OPCML: variants seen among roughly 807,000 people sequenced by gnomAD.
The protein encoded by OPCML is opioid binding protein/cell adhesion molecule like.
A neutral mutation model predicts 37.8 loss-of-function variants in OPCML; 13 were observed. That is an observed-to-expected ratio of 0.34 (90% confidence interval 0.22 to 0.55). The LOEUF is 0.55. Ranked by LOEUF, OPCML falls within the 20% of genes least tolerant of loss-of-function variation. The pLI, the probability that OPCML is intolerant of heterozygous loss-of-function variation, is 0.91. For synonymous variants in OPCML, 176 were observed against 168.8 expected, an observed-to-expected ratio of 1.04 and a Z score of -0.33; for missense variants, 341 against 435.6, an observed-to-expected ratio of 0.78 and a Z score of 1.93.
intron 3 of OPCML, among the ~76,000 whole-genome samples, chr11:132,648,761 T>C (rs1436703189): frequency 6.6e-6 from 1 of 152,126 alleles, no homozygotes; most frequent in African/African-American, 2.4e-5. Context: ...TCTGCCTTTT[T>C]CCCAGCCAGG....
intron 3 of OPCML, among the ~76,000 whole-genome samples, chr11:132,619,851 C>CAA (rs34927802): frequency 0.017 from 1,948 of 112,532 alleles, 32 homozygotes; most frequent in South Asian, 0.043. Context: ...GACTCCATGT[C>CAA]AAAAAAAAAA....
chr11:132,479,289 T>A (rs928005064), intron 4 of OPCML, among the ~76,000 whole-genome samples: 14 of 152,128 alleles, frequency 9.2e-5, no homozygotes, highest in Non-Finnish European at 1.5e-5. Flanking sequence ...ATCGGGTCAC[T>A]CCCACCCAAA....
intron 1 of OPCML, among the ~76,000 whole-genome samples, chr11:133,055,615 T>C (rs1948221038): frequency 1.3e-5 from 2 of 150,176 alleles, no homozygotes; most frequent in African/African-American, 5.0e-5. Flanking sequence ...CAATGCTGCC[T>C]CCATGATACT....
At chr11:133,040,629 A>G (rs1326542132) in intron 1 of OPCML, among the ~76,000 whole-genome samples, 1 of 152,172 alleles carries the variant, frequency 6.6e-6, no homozygotes, top group Non-Finnish European at 1.5e-5. Context: ...CTTGTGTAGA[A>G]GTGGCAGGAC....
chr11:132,693,962 G>T (rs1001381971), intron 2 of OPCML, among the ~76,000 whole-genome samples: 1 of 151,960 alleles, frequency 6.6e-6, no homozygotes, highest in East Asian at 1.9e-4. Context: ...AAAGAAACAC[G>T]TGACCTATTT....
At chr11:133,081,208 C>T (rs1443326534) in intron 1 of OPCML, among the ~76,000 whole-genome samples, 3 of 152,142 alleles carry the variant, frequency 2.0e-5, no homozygotes, top group East Asian at 1.9e-4. Context: ...CTTATATTTA[C>T]AGGACTTGGT....
At chr11:133,518,716 T>C (rs1233247723) in intron 1 of OPCML, among the ~76,000 whole-genome samples, 1 of 149,710 alleles carries the variant, frequency 6.7e-6, no homozygotes, top group Non-Finnish European at 1.5e-5. Context: ...CAGGTGCTGG[T>C]GTGTGTGGGG....
intron 1 of OPCML, chr11:133,005,827 A>G: frequency 1.0e-6 from 1 of 985,356 alleles, no homozygotes; most frequent in Non-Finnish European, 1.2e-6. Context: ...TGGGGGAAAG[A>G]GGCTGCTCTT....
intron 1 of OPCML, among the ~76,000 whole-genome samples, chr11:133,511,963 A>C (rs538712241): frequency 6.6e-6 from 1 of 152,322 alleles, no homozygotes; most frequent in South Asian, 2.1e-4. Context: ...TAGGGACAAA[A>C]GAATCTCTTT....
intron 2 of OPCML, among the ~76,000 whole-genome samples, chr11:132,834,131 T>C (rs1290918942): frequency 6.6e-6 from 1 of 152,228 alleles, no homozygotes; most frequent in Non-Finnish European, 1.5e-5. Context: ...TGTTTGATTA[T>C]AATCCATTTA....
At chr11:133,219,743 G>T (rs1939737379) in intron 1 of OPCML, among the ~76,000 whole-genome samples, 1 of 152,104 alleles carries the variant, frequency 6.6e-6, no homozygotes, top group Admixed American at 6.6e-5. Context: ...GGGGACAACT[G>T]TGCCCCCTGG....
At chr11:132,635,843 A>T (rs1246317963) in intron 3 of OPCML, among the ~76,000 whole-genome samples, 2 of 152,176 alleles carry the variant, frequency 1.3e-5, no homozygotes, top group Non-Finnish European at 2.9e-5. Flanking sequence ...ATCACTTAGA[A>T]TCTCCCCAAA....
chr11:132,889,074 T>A (rs988692595), intron 2 of OPCML, among the ~76,000 whole-genome samples: 1 of 152,194 alleles, frequency 6.6e-6, no homozygotes, highest in Non-Finnish European at 1.5e-5. Context: ...ACTGTAGGAA[T>A]GAAAGAAGGT....
At chr11:132,513,328 A>T (rs568568264) in intron 4 of OPCML, among the ~76,000 whole-genome samples, 1 of 152,290 alleles carries the variant, frequency 6.6e-6, no homozygotes, top group Admixed American at 6.5e-5. Context: ...AGACTGGCAA[A>T]AAAGCAACAT....
chr11:132,435,014 T>G, intron 7 of OPCML: 1 of 420,998 alleles, frequency 2.4e-6, no homozygotes, highest in Non-Finnish European at 4.7e-6. Flanking sequence ...ATCTAAACTG[T>G]GTAAACCAAG....
intron 3 of OPCML, among the ~76,000 whole-genome samples, chr11:132,644,514 A>T (rs1941043954): frequency 6.6e-6 from 1 of 152,216 alleles, no homozygotes; most frequent in African/African-American, 2.4e-5. Context: ...TAAAAGAAAG[A>T]AGAATTGAAA....
chr11:133,508,977 T>G (rs34226771), intron 1 of OPCML, among the ~76,000 whole-genome samples: 29,210 of 141,518 alleles, frequency 0.21, 3,363 homozygotes, highest in African/African-American at 0.33. Context: ...TATAAGTTCG[T>G]TTTTTTTTTT....
chr11:132,682,549 CAT>C (rs1218590379), intron 2 of OPCML, among the ~76,000 whole-genome samples: 1 of 152,206 alleles, frequency 6.6e-6, no homozygotes, highest in Non-Finnish European at 1.5e-5. Flanking sequence ...AGCACCCACA[CAT>C]GAGAAAGCCT....
At chr11:132,843,531 G>T (rs1941390091) in intron 2 of OPCML, among the ~76,000 whole-genome samples, 1 of 151,880 alleles carries the variant, frequency 6.6e-6, no homozygotes, top group Non-Finnish European at 1.5e-5. Flanking sequence ...ACATAGCACT[G>T]GTGTTATTTT....
Sources: gnomAD v4.1 joint callset for allele counts (sites outside exome capture counted in the v4.1 genomes callset) on GRCh38, gnomAD v4.1.1 for gene constraint, MANE v1.5 for transcripts, NCBI Gene and HGNC (gene_info 2026-07-23, HGNC 2026-07-21) for gene names.